CEP128: variants seen among roughly 807,000 people sequenced by gnomAD.
CEP128 encodes the protein centrosomal protein 128.
Under a neutral mutation model 156.7 loss-of-function variants are expected in CEP128, and 132 were observed. The ratio of observed to expected loss-of-function variants is 0.84; its 90% CI spans 0.73 to 0.97. CEP128 has a LOEUF of 0.97. Among genes scored for constraint, CEP128 ranks in the 50% least tolerant of loss-of-function variants. CEP128 has a pLI of 0.00. For missense variants in CEP128, 1,252 were observed against 1,281.9 expected, an observed-to-expected ratio of 0.98 and a Z score of 0.36; for synonymous variants, 469 against 448.9, an observed-to-expected ratio of 1.04 and a Z score of -0.57.
intron 20 of CEP128, among the ~76,000 whole-genome samples, chr14:80,576,070 T>C (rs1297343273): frequency 2.0e-5 from 3 of 152,038 alleles, no homozygotes; most frequent in African/African-American, 7.3e-5. Flanking sequence ...GTGTGTGCTG[T>C]ATTTTAGGAT....
In CEP128 at chr14:80,904,804, A is replaced by C; in HGVS notation, c.480+9T>G. The C allele has an allele frequency of 7.1e-7, 1 of 1,409,378 alleles. No homozygotes were observed. The highest frequency in any genetic ancestry group is 1.1e-5 in the South Asian group (1 of 87,004). The allele number at this position is 1,409,378 out of a possible 1,614,324, so 87.3% of individuals were successfully genotyped here. ...TACTGCACACAAATTACAGAATGGT[A>C]CAAAGTACCTGAGTCATATCATCAG... On this transcript the variant is annotated intron_variant, in intron 6 of 24. Transcript: ENST00000555265.
At chr14:80,815,316 G>T (rs1219505417) in intron 13 of CEP128, among the ~76,000 whole-genome samples, 1 of 152,140 alleles carries the variant, frequency 6.6e-6, no homozygotes, top group African/African-American at 2.4e-5. Flanking sequence ...ATGAAAAAAT[G>T]CCCAACATCA....
chr14:80,737,750 C>CATGCACCTGTAATT (rs1898609729), intron 19 of CEP128, among the ~76,000 whole-genome samples: 1 of 152,026 alleles, frequency 6.6e-6, no homozygotes, highest in African/African-American at 2.4e-5. Context: ...ATTAGCCAGG[C>CATGCACCTGTAATT]ATGGTGGCAT....
At chr14:80,495,105 C>A (rs1024446995), downstream of CEP128, among the ~76,000 whole-genome samples, 1 of 152,100 alleles carries the variant, frequency 6.6e-6, no homozygotes, top group Admixed American at 6.6e-5. Flanking sequence ...AGTATTGGAC[C>A]AGGCTTACTG....
At position 80,801,536 on chromosome 14, in the gene CEP128, C is replaced by T. The variant is rs560895353; in HGVS notation, c.1210-8426G>A. Among the ~76,000 whole-genome samples the T allele has an allele frequency of 2.5e-4, 38 of 152,080 alleles. 1 individual carries two copies. In the South Asian group the frequency reaches 7.1e-3, roughly 28 times the overall value. On this transcript the variant is annotated intron_variant, in intron 13 of 24. Transcript: ENST00000555265. ...TAGAAGAAAAAAAAACAAACAACCA[C>T]ATCAAAAAGTGGGCAAAGGATATCA... is the stretch of plus-strand genomic sequence containing the variant.
intron 8 of CEP128, among the ~76,000 whole-genome samples, chr14:80,869,827 TAAAG>T (rs1240741037): frequency 6.6e-6 from 1 of 151,312 alleles, no homozygotes; most frequent in African/African-American, 2.4e-5. Context: ...TTTGAAAAGA[TAAAG>T]AAAACTGACA....
intron 13 of CEP128, chr14:80,830,097 G>A (rs974111764): frequency 2.4e-6 from 1 of 422,234 alleles, no homozygotes; most frequent in Non-Finnish European, 4.2e-6. Context: ...TTCATCAGCA[G>A]GATCAAGGGC....
rs1164547296 is a variant in CEP128, at chr14:80,622,879, A to G, written c.2807-42456T>C. 1.4e-3 allele frequency among the ~76,000 whole-genome samples: 209 copies of G among 150,362 alleles called. 2 individuals carry two copies. The highest frequency in any genetic ancestry group is 4.8e-3 in the African/African-American group (198 of 41,018). On this transcript the variant is annotated intron_variant, in intron 19 of 24. Coordinates refer to ENST00000555265, the MANE Select transcript of CEP128 (RefSeq NM_152446.5). ...GTTGGTGGGACTGTAAACTAGTTCA[A>G]CCATTGTGGAAGTCAGTGTGGCGAT...
At chr14:80,800,524 G>A (rs1175435196) in intron 13 of CEP128, among the ~76,000 whole-genome samples, 1 of 152,276 alleles carries the variant, frequency 6.6e-6, no homozygotes, top group East Asian at 1.9e-4. Context: ...ATTCAATCCA[G>A]TATTGATTCC....
intron 4 of CEP128, among the ~76,000 whole-genome samples, chr14:80,908,622 CAT>C (rs1346441162): frequency 2.0e-5 from 3 of 152,126 alleles, no homozygotes; most frequent in East Asian, 3.9e-4. Flanking sequence ...CTTATAGTCC[CAT>C]ATATGTTTCT....
chr14:80,776,101 T>C (rs752531534), intron 16 of CEP128, among the ~76,000 whole-genome samples: 3 of 152,198 alleles, frequency 2.0e-5, no homozygotes, highest in Non-Finnish European at 4.4e-5. Context: ...CTCAAAGTGC[T>C]GGGATTAAAG....
At chr14:80,822,518 G>A (rs545368118) in intron 13 of CEP128, 62 of 638,404 alleles carry the variant, frequency 9.7e-5, no homozygotes, top group East Asian at 4.5e-4. Flanking sequence ...ACATCCTGCC[G>A]CCACCATGCC....
chr14:80,623,376 G>A (rs182595536), intron 19 of CEP128, among the ~76,000 whole-genome samples: 1 of 151,302 alleles, frequency 6.6e-6, no homozygotes, highest in Non-Finnish European at 1.5e-5. Flanking sequence ...GAGTTAATGG[G>A]TGCAGCACAC....
intron 8 of CEP128, among the ~76,000 whole-genome samples, chr14:80,872,456 G>A (rs1340191868): frequency 2.6e-5 from 4 of 152,090 alleles, no homozygotes; most frequent in Non-Finnish European, 5.9e-5. Flanking sequence ...AGAAAAATGT[G>A]TTCCATAAGC....
At chr14:80,824,181 C>G (rs1885345828) in intron 13 of CEP128, among the ~76,000 whole-genome samples, 1 of 152,200 alleles carries the variant, frequency 6.6e-6, no homozygotes, top group Non-Finnish European at 1.5e-5. Flanking sequence ...CACCAAGCCC[C>G]TAGGCTGCAC....
chr14:80,708,963 G>C (rs1400764259), intron 19 of CEP128, among the ~76,000 whole-genome samples: 1 of 151,440 alleles, frequency 6.6e-6, no homozygotes, highest in Non-Finnish European at 1.5e-5. Context: ...TCAGTATTTG[G>C]GCCTATTTGG....
chr14:80,765,111 AG>A (rs1313372864), intron 16 of CEP128, among the ~76,000 whole-genome samples: 1 of 152,230 alleles, frequency 6.6e-6, no homozygotes, highest in Non-Finnish European at 1.5e-5. Context: ...CTTCTGGCTA[AG>A]ATCGAGTGTG....
At chr14:80,614,635 ACT>A (rs1214520770) in intron 19 of CEP128, among the ~76,000 whole-genome samples, 1 of 152,052 alleles carries the variant, frequency 6.6e-6, no homozygotes, top group Admixed American at 6.5e-5. Context: ...GCTTTATGAG[ACT>A]CTATTTTCAT....
intron 19 of CEP128, among the ~76,000 whole-genome samples, chr14:80,617,535 G>A (rs867700295): frequency 1.3e-5 from 2 of 151,572 alleles, no homozygotes; most frequent in Non-Finnish European, 2.9e-5. Flanking sequence ...GCGCCCGGCC[G>A]TGAATATCAT....
Sources: gnomAD v4.1 joint callset for allele counts (sites outside exome capture counted in the v4.1 genomes callset) on GRCh38, gnomAD v4.1.1 for gene constraint, MANE v1.5 for transcripts, NCBI Gene and HGNC (gene_info 2026-07-23, HGNC 2026-07-21) for gene names.